The following PRKN variants were observed in gnomAD, a reference collection of about 807,000 sequenced individuals.
PRKN encodes E3 ubiquitin-protein ligase parkin.
A neutral mutation model predicts 59.5 loss-of-function variants in PRKN; 56 were observed. The observed-to-expected ratio is 0.94, with a 90% CI of 0.76 to 1.18. The LOEUF (loss-of-function observed/expected upper bound fraction) is 1.18, where lower values mean the gene tolerates loss of function less well. Ranked by LOEUF, PRKN falls within the 50% of genes most tolerant of loss-of-function variation. The probability of loss-of-function intolerance (pLI) is 0.00; values close to 1 mark genes in which losing one functional copy is unlikely to be tolerated. For missense variants in PRKN, 657 were observed against 596.4 expected (o/e 1.10, Z -1.06); for synonymous variants, 250 against 222.1 (o/e 1.13, Z -1.12).
At position 161,378,383 on chromosome 6, in the gene PRKN, C is replaced by A. The variant is rs35880968; in HGVS notation, c.1167+8411G>T. 9.8e-5 allele frequency among the ~76,000 whole-genome samples: 15 copies of A among 152,308 alleles called. No individual in the cohort carries two copies. The South Asian group carries it at 3.1e-3, about 32-fold the overall frequency. ...GGGCATCCCCCCATCTGCCACACCG[C>A]CAACATTCAACCTGCCGGCAACAAA... is the stretch of plus-strand genomic sequence containing the variant. On this transcript the variant is annotated intron_variant, in intron 10 of 11. Coordinates refer to ENST00000366898, the MANE Select transcript of PRKN (RefSeq NM_004562.3). This position sits in a 1 kb window ranked among gnomAD's most constrained non-coding sequence, Gnocchi z 7.3.
rs1284652030 is a variant in PRKN, at chr6:161,562,076, C to T, written c.933+7279G>A. Among the ~76,000 whole-genome samples the T allele has an allele frequency of 6.6e-6, 1 of 150,890 alleles. No individual in the cohort carries two copies. Among genetic ancestry groups the T allele is most frequent in the Non-Finnish European group, 1.5e-5 (1 of 67,698 alleles). ...CAGCTTCCCCAACACCATAAATCAG[C>T]ATTCCTCCTCTGGAAGCCCCACCTT... On this transcript the variant is annotated intron_variant, in intron 8 of 11. Coordinates refer to ENST00000366898, the MANE Select transcript of PRKN (RefSeq NM_004562.3). This position sits in a 1 kb window ranked among gnomAD's most constrained non-coding sequence, Gnocchi z 4.3.
intron 7 of PRKN, among the ~76,000 whole-genome samples, chr6:161,705,698 C>A (rs1000435553): frequency 2.6e-5 from 4 of 152,146 alleles, no homozygotes; most frequent in Admixed American, 2.6e-4. Context: ...CCCAGTGAGG[C>A]ACCTGTCCCT....
intron 3 of PRKN, among the ~76,000 whole-genome samples, chr6:162,213,264 A>C (rs1008789926): frequency 3.9e-5 from 6 of 152,190 alleles, no homozygotes; most frequent in South Asian, 2.1e-4. Context: ...TATTGGGGGA[A>C]ATCTCATGGA....
intron 7 of PRKN, among the ~76,000 whole-genome samples, chr6:161,732,479 T>TGTGTGTGTGTG (rs1261124218): frequency 7.9e-6 from 1 of 126,984 alleles, no homozygotes; most frequent in African/African-American, 5.3e-5. Flanking sequence ...CAGAGGTTTT[T>TGTGTGTGTGTG]TTTTTTTGTG....
At chr6:162,400,456 T>TAAAAAAAA (rs750247669) in intron 2 of PRKN, among the ~76,000 whole-genome samples, 76 of 55,312 alleles carry the variant, frequency 1.4e-3, no homozygotes, top group South Asian at 3.0e-3. Flanking sequence ...CATGTAAATA[T>TAAAAAAAA]CAAAAAAAAA....
rs1256452871 is a variant in PRKN at position 161,529,383 on chromosome 6, C to T, written c.1083+19471G>A. On this transcript the variant is annotated intron_variant, in intron 9 of 11. Coordinates refer to ENST00000366898, the MANE Select transcript of PRKN (RefSeq NM_004562.3). This position sits in a 1 kb window ranked among gnomAD's most constrained non-coding sequence, Gnocchi z 4.4. ...TTAGTGAGGCGAGTCACACATTAGC[C>T]CATCTGCTCTGGTAATGTCAATACC... is the stretch of plus-strand genomic sequence containing the variant. Among the ~76,000 whole-genome samples the T allele has an allele frequency of 6.6e-6, 1 of 152,128 alleles. No homozygotes were observed. The highest frequency in any genetic ancestry group is 1.5e-5 in the Non-Finnish European group (1 of 68,034).
chr6:162,165,823 C>A (rs886298574), intron 4 of PRKN, among the ~76,000 whole-genome samples: 1 of 151,620 alleles, frequency 6.6e-6, no homozygotes, highest in African/African-American at 2.4e-5. Context: ...CCGAGGCAGG[C>A]GGATCCCCTT....
chr6:161,580,643 A>T (rs1413214889), intron 7 of PRKN, among the ~76,000 whole-genome samples: 2 of 151,428 alleles, frequency 1.3e-5, no homozygotes, highest in Admixed American at 6.6e-5. Flanking sequence ...TGCCAGGCTA[A>T]TTTTTTTGTA....
intron 4 of PRKN, among the ~76,000 whole-genome samples, chr6:162,178,441 G>A (rs769096188): frequency 2.3e-4 from 35 of 152,268 alleles, no homozygotes; most frequent in Non-Finnish European, 4.6e-4. Context: ...AACCTGACAG[G>A]CCCAGAGGAT....
chr6:161,519,417 T>C (rs1778737430), intron 9 of PRKN, among the ~76,000 whole-genome samples: 1 of 74,902 alleles, frequency 1.3e-5, no homozygotes, highest in African/African-American at 5.6e-5. Flanking sequence ...TCCAGACTTT[T>C]ACTGGTCTAG....
chr6:162,295,650 C>A (rs1037317073), intron 2 of PRKN, among the ~76,000 whole-genome samples: 2 of 152,162 alleles, frequency 1.3e-5, no homozygotes, highest in Non-Finnish European at 2.9e-5. Flanking sequence ...GTTGTGGGAA[C>A]CTCACTGGCA....
intron 5 of PRKN, among the ~76,000 whole-genome samples, chr6:161,991,881 C>A (rs548600742): frequency 7.9e-5 from 12 of 152,028 alleles, no homozygotes; most frequent in African/African-American, 2.9e-4. Context: ...AAAAAAATGG[C>A]CCAACTATAT....
At chr6:162,483,623 A>G (rs80011216) in intron 1 of PRKN, among the ~76,000 whole-genome samples, 1 of 152,060 alleles carries the variant, frequency 6.6e-6, no homozygotes, top group African/African-American at 2.4e-5. Flanking sequence ...GTGATAACAC[A>G]TGATGTTCCA....
rs138948135 is a variant in PRKN, at chr6:162,356,114, C to T, written c.171+87196G>A. On this transcript the variant is annotated intron_variant, in intron 2 of 11. Coordinates refer to ENST00000366898, the MANE Select transcript of PRKN (RefSeq NM_004562.3). Reference sequence around the variant, plus strand: ...TCAGAGACAAGGCCAAAACCACCAACGTGACCTTTATTATCTCCCTTAAAT... The same window carrying T: ...TCAGAGACAAGGCCAAAACCACCAATGTGACCTTTATTATCTCCCTTAAAT... Among the ~76,000 whole-genome samples the T allele has an allele frequency of 3.1e-3, 469 of 152,224 alleles. 5 individuals are homozygous for T. Among genetic ancestry groups the T allele is most frequent in the African/African-American group, 0.011 (451 of 41,556 alleles).
chr6:161,411,804 CTCATTCCTCCACTCAT>C (rs1787554783), intron 9 of PRKN, among the ~76,000 whole-genome samples: 2 of 149,802 alleles, frequency 1.3e-5, no homozygotes, highest in Non-Finnish European at 3.0e-5. Flanking sequence ...TCCTCCCTCA[CTCATTCCTCCACTCAT>C]TCATTCCTCC....
At chr6:161,825,135 T>G (rs1311072022) in intron 6 of PRKN, among the ~76,000 whole-genome samples, 1 of 152,154 alleles carries the variant, frequency 6.6e-6, no homozygotes, top group Admixed American at 6.5e-5. Flanking sequence ...CTATTCTTTT[T>G]ATACAAAGCA....
At chr6:162,218,826 A>C (rs1374023822) in intron 3 of PRKN, among the ~76,000 whole-genome samples, 2 of 152,128 alleles carry the variant, frequency 1.3e-5, no homozygotes, top group Admixed American at 1.3e-4. Flanking sequence ...AGCGAATTAA[A>C]GAACATCCAT....
intron 5 of PRKN, among the ~76,000 whole-genome samples, chr6:161,979,750 C>T (rs747595485): frequency 2.0e-5 from 3 of 152,100 alleles, no homozygotes. Flanking sequence ...GAAGCCTGAC[C>T]CTCCAAATCA....
chr6:162,533,857 G>C (rs1366834387), intron 1 of PRKN, among the ~76,000 whole-genome samples: 1 of 151,234 alleles, frequency 6.6e-6, no homozygotes, highest in African/African-American at 2.4e-5. Flanking sequence ...TGTAATCCCA[G>C]TTACTTGGGA....
Sources: allele counts gnomAD v4.1 joint callset (sites outside exome capture counted in the v4.1 genomes callset), GRCh38; gene constraint gnomAD v4.1.1; non-coding constraint Gnocchi (gnomAD v3.1); transcripts MANE v1.5; gene names NCBI Gene and HGNC (gene_info 2026-07-23, HGNC 2026-07-21).